Variants in CPNE8 observed in about 807,000 individuals in gnomAD.
The protein encoded by CPNE8 is copine 8.
A neutral mutation model predicts 81.5 loss-of-function variants in CPNE8; 45 were observed. That is an observed-to-expected ratio of 0.55 (90% confidence interval 0.44 to 0.71). The LOEUF (loss-of-function observed/expected upper bound fraction) is 0.71, where lower values mean the gene tolerates loss of function less well. Ranked by LOEUF, CPNE8 falls within the 30% of genes least tolerant of loss-of-function variation. The pLI is 0.00. For missense variants in CPNE8, 594 were observed against 672.1 expected (o/e 0.88, Z 1.28); for synonymous variants, 252 against 226.3 (o/e 1.11, Z -1.02).
intron 4 of CPNE8, among the ~76,000 whole-genome samples, chr12:38,844,557 C>T (rs2137049828): frequency 6.6e-6 from 1 of 152,116 alleles, no homozygotes; most frequent in South Asian, 2.1e-4. Flanking sequence ...AATTTTAGGA[C>T]TTATAGCCGA....
At chr12:38,846,154 A>G (rs1417898848) in intron 4 of CPNE8, among the ~76,000 whole-genome samples, 1 of 152,188 alleles carries the variant, frequency 6.6e-6, no homozygotes, top group African/African-American at 2.4e-5. Context: ...ATGAATGAAG[A>G]GCAGGACATG....
At chr12:38,793,519 T>G (rs766032012) in intron 6 of CPNE8, among the ~76,000 whole-genome samples, 1 of 151,494 alleles carries the variant, frequency 6.6e-6, no homozygotes, top group Non-Finnish European at 1.5e-5. Flanking sequence ...AACCAAGAAG[T>G]GAAAAACATT....
intron 13 of CPNE8, among the ~76,000 whole-genome samples, chr12:38,703,771 A>C (rs146278321): frequency 6.6e-6 from 1 of 152,168 alleles, no homozygotes; most frequent in Non-Finnish European, 1.5e-5. Flanking sequence ...ATCATGTACA[A>C]AAATCAGTAG....
At chr12:38,678,275 T>G (rs550557167) in intron 16 of CPNE8, among the ~76,000 whole-genome samples, 1 of 152,162 alleles carries the variant, frequency 6.6e-6, no homozygotes, top group Non-Finnish European at 1.5e-5. Context: ...CAAAATTATG[T>G]ATATGATAAC....
At chr12:38,708,855 TA>T (rs1231870693) in intron 13 of CPNE8, among the ~76,000 whole-genome samples, 12 of 152,198 alleles carry the variant, frequency 7.9e-5, no homozygotes, top group African/African-American at 2.4e-4. Context: ...TATTTTGAAT[TA>T]ATTACAGAGA....
chr12:38,877,464 C>A (rs1944084221), intron 1 of CPNE8, among the ~76,000 whole-genome samples: 1 of 151,914 alleles, frequency 6.6e-6, no homozygotes, highest in Non-Finnish European at 1.5e-5. Context: ...TTGTTCCTAC[C>A]ATTTTATAAC....
intron 13 of CPNE8, among the ~76,000 whole-genome samples, chr12:38,706,786 C>G (rs922192866): frequency 3.3e-5 from 5 of 152,166 alleles, no homozygotes; most frequent in African/African-American, 1.2e-4. Context: ...TGAAACCTCA[C>G]TGTGTTCACT....
At chr12:38,773,444 T>C (rs567167789) in intron 7 of CPNE8, among the ~76,000 whole-genome samples, 1 of 152,226 alleles carries the variant, frequency 6.6e-6, no homozygotes, top group Admixed American at 6.5e-5. Flanking sequence ...TCATGATGTA[T>C]ACATTAAATA....
At chr12:38,770,908 A>C (rs1592074271) in intron 7 of CPNE8, among the ~76,000 whole-genome samples, 1 of 152,092 alleles carries the variant, frequency 6.6e-6, no homozygotes, top group Non-Finnish European at 1.5e-5. Flanking sequence ...TATTTGAATC[A>C]CTTGTCACAT....
At chr12:38,726,470 T>G (rs562254539) in intron 11 of CPNE8, 2 of 152,292 alleles carry the variant, frequency 1.3e-5, no homozygotes, top group African/African-American at 4.8e-5. Context: ...ATCACAAATT[T>G]TTCAGATGGT....
At chr12:38,844,501 A>C (rs1943521425) in intron 4 of CPNE8, among the ~76,000 whole-genome samples, 1 of 152,226 alleles carries the variant, frequency 6.6e-6, no homozygotes. Context: ...GAAAGAAACC[A>C]TGTCTCCTGA....
At chr12:38,733,936 T>G (rs1357527351) in intron 10 of CPNE8, among the ~76,000 whole-genome samples, 5 of 151,952 alleles carry the variant, frequency 3.3e-5, no homozygotes, top group African/African-American at 7.2e-5. Context: ...CCTCTACTTT[T>G]GGGGTATTAC....
At chr12:38,898,339 C>T (rs1944415669) in intron 1 of CPNE8, among the ~76,000 whole-genome samples, 1 of 152,122 alleles carries the variant, frequency 6.6e-6, no homozygotes, top group South Asian at 2.1e-4. Context: ...GCAACTCTCA[C>T]ATTAAGACTT....
intron 17 of CPNE8, among the ~76,000 whole-genome samples, chr12:38,676,561 A>G (rs11169086): frequency 0.035 from 5,330 of 151,350 alleles, 292 homozygotes; most frequent in African/African-American, 0.12. Flanking sequence ...ACAGTAAATG[A>G]GTGAATACAA....
chr12:38,880,034 C>G (rs1460468352), intron 1 of CPNE8, among the ~76,000 whole-genome samples: 1 of 152,046 alleles, frequency 6.6e-6, no homozygotes, highest in Non-Finnish European at 1.5e-5. Context: ...TAGAGCCCAA[C>G]AAAAAATATT....
chr12:38,754,435 C>A (rs1447492733), intron 10 of CPNE8, among the ~76,000 whole-genome samples: 1 of 151,644 alleles, frequency 6.6e-6, no homozygotes, highest in Non-Finnish European at 1.5e-5. Flanking sequence ...ATTAAAAAAA[C>A]ACATTAAATA....
At chr12:38,724,273 A>C (rs1245133544) in intron 12 of CPNE8, among the ~76,000 whole-genome samples, 3 of 152,182 alleles carry the variant, frequency 2.0e-5, no homozygotes, top group Non-Finnish European at 4.4e-5. Context: ...TTAAAAGAAA[A>C]TTGAGGGAAA....
chr12:38,662,051 T>C (rs935611835), intron 19 of CPNE8, among the ~76,000 whole-genome samples: 2 of 152,152 alleles, frequency 1.3e-5, no homozygotes, highest in African/African-American at 4.8e-5. Flanking sequence ...GCTAATATCA[T>C]AGTGAATGGA....
At chr12:38,741,620 G>C (rs951448261) in intron 10 of CPNE8, among the ~76,000 whole-genome samples, 5 of 152,036 alleles carry the variant, frequency 3.3e-5, no homozygotes. Context: ...CATAGGCATG[G>C]GCAAAGACTT....
Sources: gnomAD v4.1 joint callset for allele counts (sites outside exome capture counted in the v4.1 genomes callset) on GRCh38, gnomAD v4.1.1 for gene constraint, MANE v1.5 for transcripts, NCBI Gene and HGNC (gene_info 2026-07-23, HGNC 2026-07-21) for gene names.